The following PPFIA1 variants were observed in gnomAD, a reference collection of about 807,000 sequenced individuals.
PPFIA1 encodes PPFI scaffold protein A1, also known as liprin-alpha-1.
PPFIA1 carries 25 observed loss-of-function variants against 149.9 expected under a neutral mutation model. That is an observed-to-expected ratio of 0.17 (90% CI 0.12 to 0.23). PPFIA1 has a LOEUF of 0.23. Among genes scored for constraint, PPFIA1 ranks in the 10% least tolerant of loss-of-function variants. PPFIA1 has a pLI of 1.00. For synonymous variants in PPFIA1, 549 were observed against 552.8 expected (o/e 0.99, Z 0.10); for missense variants, 1,362 against 1,506.5 (o/e 0.90, Z 1.59).
chr11:70,335,501 C>T (rs1169866110), intron 10 of PPFIA1, 62 bp from the exon 11 acceptor site: 2 of 1,584,278 alleles, frequency 1.3e-6, no homozygotes, highest in African/African-American at 2.7e-5. Context: ...GGTCCTTGTG[C>T]TTTTAAAATA....
intron 2 of PPFIA1, among the ~76,000 whole-genome samples, chr11:70,288,374 C>G (rs2051297149): frequency 6.6e-6 from 1 of 152,128 alleles, no homozygotes; most frequent in Non-Finnish European, 1.5e-5. Flanking sequence ...CCGGCCTCCC[C>G]TCTGCTTTTT....
At position 70,343,849 on chromosome 11, in the gene PPFIA1, A is replaced by C; in HGVS notation, c.1888A>C (p.Met630Leu). The C allele has an allele frequency of 6.2e-7, 1 of 1,614,156 alleles. No homozygotes were observed. The highest frequency in any genetic ancestry group is 2.2e-5 in the East Asian group (1 of 44,876). Reference protein sequence around the residue: ...SGQADAHTLAMMLQEQLDAIN... With the variant: ...SGQADAHTLALMLQEQLDAIN... ...GCAGGCCGACGCGCACACACTAGCC[A>C]TGATGCTTCAGGAGCAGCTGGACGC... Residue 630 changes from methionine to leucine, a missense_variant, in exon 15 of 28, where the codon ATG (methionine) becomes CTG (leucine). Coordinates refer to ENST00000253925, the MANE Select transcript of PPFIA1 (RefSeq NM_003626.5).
At chr11:70,364,953 C>T (rs2056841709) in intron 21 of PPFIA1, 1 of 163,432 alleles carries the variant, frequency 6.1e-6, no homozygotes, top group Non-Finnish European at 1.3e-5. Context: ...GGCCTGCCTT[C>T]AGCCTTTCAG....
At chr11:70,319,735 T>C (rs1467298146) in intron 2 of PPFIA1, among the ~76,000 whole-genome samples, 1 of 152,232 alleles carries the variant, frequency 6.6e-6, no homozygotes, top group Non-Finnish European at 1.5e-5. Context: ...GCTGTTGTTC[T>C]CTGAATGGCT....
intron 21 of PPFIA1, chr11:70,366,107 G>A (rs1336397468): frequency 2.8e-6 from 1 of 358,624 alleles, no homozygotes; most frequent in African/African-American, 2.1e-5. Context: ...TTAATGATTT[G>A]AAAGCACTGG....
intron 2 of PPFIA1, among the ~76,000 whole-genome samples, chr11:70,310,993 C>T (rs1437757286): frequency 6.6e-6 from 1 of 152,068 alleles, no homozygotes; most frequent in African/African-American, 2.4e-5. Context: ...GAAGGCAGGC[C>T]GTGAGCACCC....
intron 11 of PPFIA1, among the ~76,000 whole-genome samples, chr11:70,336,709 G>T (rs1289192954): frequency 6.6e-6 from 1 of 152,162 alleles, no homozygotes; most frequent in Non-Finnish European, 1.5e-5. Context: ...TCACCAGAGC[G>T]AAGGGATATC....
At chr11:70,318,043 C>G (rs1204997123) in intron 2 of PPFIA1, among the ~76,000 whole-genome samples, 2 of 152,132 alleles carry the variant, frequency 1.3e-5, no homozygotes, top group Non-Finnish European at 2.9e-5. Context: ...GCTCCCTTGC[C>G]TCTTCCACTT....
intron 14 of PPFIA1, among the ~76,000 whole-genome samples, chr11:70,339,626 G>GTTTTTTTTTT (rs11323721): frequency 7.0e-6 from 1 of 142,504 alleles, no homozygotes. Context: ...GGCCTCTGTA[G>GTTTTTTTTTT]TTTTTTTTTT....
Position 70,348,314 on chromosome 11 carries a change from C to T in PPFIA1, c.2057C>T (p.Ala686Val). 2 of 1,614,212 alleles carry T rather than the reference C, an allele frequency of 1.2e-6. No individual in the cohort carries two copies. Among genetic ancestry groups the T allele is most frequent in the African/African-American group, 1.3e-5 (1 of 75,062 alleles). Residue 686 changes from alanine to valine, a missense_variant, in exon 16 of 28, where the codon GCT becomes GTT. This residue lies in a region of PPFIA1 where 733 missense variants were observed against 744.1 expected (regional missense o/e 0.99). Coordinates refer to ENST00000253925, the MANE Select transcript of PPFIA1 (RefSeq NM_003626.5). Reference protein sequence around the residue: ...RSMSSIPPYPASSLASSSPPG... With the variant: ...RSMSSIPPYPVSSLASSSPPG... ...ATGAGCTCCATTCCCCCCTACCCTG[C>T]TTCCTCGCTTGCTAGCTCCTCCCCT...
At chr11:70,345,889 C>T (rs1043393211) in intron 15 of PPFIA1, 4 of 325,412 alleles carry the variant, frequency 1.2e-5, no homozygotes, top group Admixed American at 3.9e-5. Flanking sequence ...CTCACATGTT[C>T]AGGTCCCGTC....
chr11:70,301,216 C>T (rs957142694), intron 2 of PPFIA1, among the ~76,000 whole-genome samples: 3 of 152,144 alleles, frequency 2.0e-5, no homozygotes, highest in South Asian at 4.2e-4. Context: ...TTGATGAGAA[C>T]TAACATAAAG....
chr11:70,285,372 G>C (rs2051039766), intron 2 of PPFIA1, among the ~76,000 whole-genome samples: 2 of 152,090 alleles, frequency 1.3e-5, no homozygotes, highest in South Asian at 4.1e-4. Context: ...ATGGGTTTGG[G>C]CTATAAAGTT....
chr11:70,278,976 T>C, intron 2 of PPFIA1: 1 of 598,272 alleles, frequency 1.7e-6, no homozygotes, highest in Admixed American at 2.2e-5. Flanking sequence ...AATGACACCT[T>C]TACCAGCAAT....
intron 2 of PPFIA1, among the ~76,000 whole-genome samples, chr11:70,287,369 A>G (rs950449144): frequency 6.6e-6 from 1 of 152,028 alleles, no homozygotes; most frequent in African/African-American, 2.4e-5. Context: ...CTTATCTTCT[A>G]CTTGCCAACT....
intron 25 of PPFIA1, among the ~76,000 whole-genome samples, chr11:70,377,427 GAGAAT>G (rs1379960622): frequency 6.6e-6 from 1 of 151,156 alleles, no homozygotes; most frequent in African/African-American, 2.4e-5. Context: ...GTTTGACAGA[GAGAAT>G]AGAAGACCAC....
chr11:70,328,149 T>C lies in PPFIA1; in HGVS notation c.930+1331T>C, dbSNP rs927659985. Among the ~76,000 whole-genome samples, 222 of 152,182 alleles carry C rather than the reference T, an allele frequency of 1.5e-3. 1 individual carries two copies. Among genetic ancestry groups the C allele is most frequent in the African/African-American group, 5.2e-3 (215 of 41,512 alleles). On this transcript the variant is annotated intron_variant, in intron 7 of 27. Coordinates refer to ENST00000253925, the MANE Select transcript of PPFIA1 (RefSeq NM_003626.5). ...CTGTTACATAAGTAAACTTGTGTCC[T>C]GGCGGTTTGTTTTACAAATTATTTC...
At chr11:70,302,992 A>T (rs898046777) in intron 2 of PPFIA1, among the ~76,000 whole-genome samples, 4 of 152,140 alleles carry the variant, frequency 2.6e-5, no homozygotes, top group African/African-American at 9.7e-5. Flanking sequence ...TTAAATTAGC[A>T]AACTTCCCAA....
intron 26 of PPFIA1, among the ~76,000 whole-genome samples, chr11:70,381,560 C>G (rs574626596): frequency 6.6e-6 from 1 of 152,294 alleles, no homozygotes; most frequent in East Asian, 1.9e-4. Context: ...AAAAGGGCAC[C>G]GGCTTCCCAG....
Sources: gnomAD v4.1 joint callset for allele counts (sites outside exome capture counted in the v4.1 genomes callset) on GRCh38, gnomAD v4.1.1 for gene constraint, gnomAD v4.1.1 regional missense constraint, MANE v1.5 for transcripts, NCBI Gene and HGNC (gene_info 2026-07-23, HGNC 2026-07-21) for gene names.